Variants in FANCB observed in about 807,000 individuals in gnomAD.
FANCB encodes Fanconi anemia group B protein.
Under a neutral mutation model 38.9 loss-of-function variants are expected in FANCB, and 5 were observed. The observed-to-expected ratio is 0.13, with a 90% CI of 0.07 to 0.27. The LOEUF (loss-of-function observed/expected upper bound fraction) is 0.27, where lower values mean the gene tolerates loss of function less well. Ranked by LOEUF, FANCB falls within the 10% of genes least tolerant of loss-of-function variation. The pLI, the probability that FANCB is intolerant of heterozygous loss-of-function variation, is 1.00. For missense variants in FANCB, 573 were observed against 602.7 expected (o/e 0.95, Z 0.52); for synonymous variants, 236 against 215.4 (o/e 1.10, Z -0.84).
At chrX:14,805,492 C>T in the FANCB span, among the ~76,000 whole-genome samples, 1 of 111,118 alleles carries the variant, frequency 9.0e-6, no homozygotes, top group African/African-American at 3.3e-5. Flanking sequence ...GGAGAACACA[C>T]CATCACCCCC....
chrX:14,771,142 T>C, the FANCB span, among the ~76,000 whole-genome samples: 1 of 111,242 alleles, frequency 9.0e-6, no homozygotes, highest in East Asian at 2.8e-4. Context: ...AGTATCTTAG[T>C]GGGGTTCTCT....
chrX:14,845,792 T>G lies in FANCB; in HGVS notation c.1497-506A>C, dbSNP rs771350821. Among the ~76,000 whole-genome samples the G allele has an allele frequency of 1.6e-4, 18 of 112,018 alleles. 1 individual carries two copies. The Admixed American group carries it at 1.7e-3, about 11-fold the overall frequency. ...TCCTCTAAACGACTTGAATAAAATC[T>G]TTTTCAGTCAGAATATTGTTCATCC... is the stretch of plus-strand genomic sequence containing the variant. On this transcript the variant is annotated intron_variant, in intron 7 of 9. Coordinates refer to ENST00000650831, the MANE Select transcript of FANCB (RefSeq NM_001018113.3).
the FANCB span, among the ~76,000 whole-genome samples, chrX:14,784,064 G>C: frequency 1.8e-5 from 2 of 111,795 alleles, no homozygotes; most frequent in Admixed American, 9.4e-5. Flanking sequence ...ACAAAAATTA[G>C]CTGGGCATGG....
At chrX:14,859,106 T>C in intron 4 of FANCB, 76 bp downstream of exon 4, 1 of 631,378 alleles carries the variant, frequency 1.6e-6, no homozygotes, top group Non-Finnish European at 2.5e-6. Context: ...ATTTAAATGA[T>C]AGGTCAAAGC....
At chrX:14,848,231 C>T (rs142742068) in intron 7 of FANCB, among the ~76,000 whole-genome samples, 2,518 of 111,834 alleles carry the variant, frequency 0.023, 62 homozygotes, top group African/African-American at 0.078. Context: ...AAAGACAATG[C>T]CAGGTTGGAC....
chrX:14,787,625 A>ATCAAACAAAACATTG, the FANCB span, among the ~76,000 whole-genome samples: 1 of 109,491 alleles, frequency 9.1e-6, no homozygotes, highest in Non-Finnish European at 1.9e-5. Context: ...GTATAAATAG[A>ATCAAACAAAACATTG]TCAAAACATC....
chrX:14,802,677 AG>A, the FANCB span, among the ~76,000 whole-genome samples: 1 of 111,643 alleles, frequency 9.0e-6, no homozygotes, highest in South Asian at 3.7e-4. Context: ...TGAAAATAAG[AG>A]ATTTTTAGAG....
At chrX:14,699,411 A>G in the FANCB span, among the ~76,000 whole-genome samples, 1 of 112,114 alleles carries the variant, frequency 8.9e-6, no homozygotes, top group Non-Finnish European at 1.9e-5. Context: ...GGGCCACCTA[A>G]TGACAAGTTG....
chrX:14,848,115 T>A (rs939000531), intron 7 of FANCB, among the ~76,000 whole-genome samples: 2 of 111,693 alleles, frequency 1.8e-5, no homozygotes, highest in Non-Finnish European at 3.8e-5. Flanking sequence ...CAACCAAATA[T>A]CAAAGAGTAG....
intron 5 of FANCB, among the ~76,000 whole-genome samples, chrX:14,856,223 A>C (rs1482155986): frequency 1.8e-5 from 2 of 111,968 alleles, no homozygotes; most frequent in Non-Finnish European, 3.8e-5. Context: ...CTACATAAAC[A>C]TTCTTGTAAA....
At chrX:14,832,525 A>C (rs1225274106), downstream of FANCB, among the ~76,000 whole-genome samples, 1 of 111,966 alleles carries the variant, frequency 8.9e-6, no homozygotes, top group African/African-American at 3.2e-5. Flanking sequence ...ATGCCTACAC[A>C]AAAAACTGTA....
chrX:14,776,422 C>A, the FANCB span, among the ~76,000 whole-genome samples: 7 of 111,699 alleles, frequency 6.3e-5, no homozygotes, highest in African/African-American at 2.3e-4. Context: ...CAGAAATGAG[C>A]AATGAGACTT....
At chrX:14,799,989 T>C in the FANCB span, among the ~76,000 whole-genome samples, 1 of 111,765 alleles carries the variant, frequency 8.9e-6, no homozygotes, top group African/African-American at 3.3e-5. Context: ...AAGAGATAAA[T>C]TGAGGAGAGA....
At chrX:14,799,437 T>G in the FANCB span, among the ~76,000 whole-genome samples, 1 of 112,408 alleles carries the variant, frequency 8.9e-6, no homozygotes, top group Admixed American at 9.5e-5. Context: ...CAGATCTGTA[T>G]GTATTCTATT....
the FANCB span, among the ~76,000 whole-genome samples, chrX:14,775,974 G>A: frequency 9.0e-6 from 1 of 111,271 alleles, no homozygotes; most frequent in African/African-American, 3.3e-5. Context: ...AAGAACAGCA[G>A]TGCCCAGTGG....
chrX:14,786,982 G>C, the FANCB span, among the ~76,000 whole-genome samples: 1 of 111,476 alleles, frequency 9.0e-6, no homozygotes, highest in Non-Finnish European at 1.9e-5. Flanking sequence ...ATGGGTCAAA[G>C]GCAAAATGAA....
chrX:14,740,956 ACATG>A, the FANCB span, among the ~76,000 whole-genome samples: 2 of 110,710 alleles, frequency 1.8e-5, no homozygotes, highest in African/African-American at 3.3e-5. Context: ...ATACACAAAC[ACATG>A]CACACACACA....
chrX:14,754,721 A>G, the FANCB span, among the ~76,000 whole-genome samples: 1 of 110,706 alleles, frequency 9.0e-6, no homozygotes, highest in African/African-American at 3.3e-5. Flanking sequence ...TTTAAGGTTC[A>G]GGGGTACACA....
chrX:14,743,879 C>A, the FANCB span, among the ~76,000 whole-genome samples: 1 of 111,760 alleles, frequency 8.9e-6, no homozygotes, highest in Non-Finnish European at 1.9e-5. Context: ...TCTGCCTTTA[C>A]ATGGCCATAT....
Sources: gnomAD v4.1 joint callset for allele counts (sites outside exome capture counted in the v4.1 genomes callset) on GRCh38, gnomAD v4.1.1 for gene constraint, MANE v1.5 for transcripts, NCBI Gene and HGNC (gene_info 2026-07-23, HGNC 2026-07-21) for gene names.